The following UNC13C variants were observed in gnomAD, a reference collection of about 807,000 sequenced individuals.
The protein encoded by UNC13C is protein unc-13 homolog C.
Under a neutral mutation model 245.4 loss-of-function variants are expected in UNC13C, and 174 were observed. The ratio of observed to expected loss-of-function variants is 0.71; its 90% CI spans 0.63 to 0.80. The LOEUF (loss-of-function observed/expected upper bound fraction) is 0.80. Among genes scored for constraint, UNC13C ranks in the 30% least tolerant of loss-of-function variants. The probability of loss-of-function intolerance (pLI) is 0.00; values close to 1 mark genes in which losing one functional copy is unlikely to be tolerated. For synonymous variants in UNC13C, 992 were observed against 895.1 expected, an observed-to-expected ratio of 1.11 and a Z score of -1.93; for missense variants, 2,829 against 2,602.9, an observed-to-expected ratio of 1.09 and a Z score of -1.89.
chr15:54,263,604 C>T (rs1008879108), intron 8 of UNC13C, among the ~76,000 whole-genome samples: 12 of 152,104 alleles, frequency 7.9e-5, no homozygotes, highest in East Asian at 1.9e-4. Flanking sequence ...GAGTTCGAGT[C>T]GGTGTTCTAT....
the UNC13C span, among the ~76,000 whole-genome samples, chr15:53,862,336 T>C: frequency 6.6e-6 from 1 of 152,100 alleles, no homozygotes; most frequent in African/African-American, 2.4e-5. Flanking sequence ...CAAGTTTTTT[T>C]CTAGTGCTCG....
intron 20 of UNC13C, among the ~76,000 whole-genome samples, chr15:54,496,605 A>G (rs1893959716): frequency 6.6e-6 from 1 of 152,016 alleles, no homozygotes; most frequent in Non-Finnish European, 1.5e-5. Context: ...GTATATATAT[A>G]TATATGTACA....
At chr15:53,876,289 A>G in the UNC13C span, among the ~76,000 whole-genome samples, 1 of 152,176 alleles carries the variant, frequency 6.6e-6, no homozygotes, top group East Asian at 1.9e-4. Flanking sequence ...TCAAGTACCA[A>G]ACTTCCATTA....
At chr15:54,023,527 G>T (rs1478626221) in intron 2 of UNC13C, among the ~76,000 whole-genome samples, 1 of 152,176 alleles carries the variant, frequency 6.6e-6, no homozygotes, top group Non-Finnish European at 1.5e-5. Context: ...CACTTGAAAA[G>T]ATTTTATTAG....
chr15:54,303,101 T>C (rs1490061892), intron 13 of UNC13C, among the ~76,000 whole-genome samples: 1 of 152,134 alleles, frequency 6.6e-6, no homozygotes, highest in African/African-American at 2.4e-5. Context: ...ATCTAGAAAC[T>C]TTGTTATTGG....
rs561171945 is a variant in UNC13C at position 54,038,376 on chromosome 15, G to A, written c.2983+22490G>A. Among the ~76,000 whole-genome samples, 20 of 151,398 alleles carry A rather than the reference G, an allele frequency of 1.3e-4. No individual in the cohort carries two copies. The East Asian group carries it at 3.5e-3, about 27-fold the overall frequency. ...GGGATTCCTGGCCTCAAAGTGATCC[G>A]CCCACCTCTGCCTTTCAAAGTGCTG... On this transcript the variant is annotated intron_variant, in intron 2 of 32. Transcript: ENST00000260323.
chr15:54,500,744 G>T, intron 21 of UNC13C, 91 bp from the exon 22 acceptor site: 1 of 1,017,316 alleles, frequency 9.8e-7, no homozygotes. Context: ...ATGTGATACG[G>T]GAGATTCAGT....
At chr15:54,297,100 A>G (rs999409601) in intron 11 of UNC13C, among the ~76,000 whole-genome samples, 1 of 152,224 alleles carries the variant, frequency 6.6e-6, no homozygotes, top group African/African-American at 2.4e-5. Flanking sequence ...TTTCAAGTAC[A>G]AAGAGAAGAA....
At chr15:53,993,210 G>A (rs1400087052) in intron 1 of UNC13C, among the ~76,000 whole-genome samples, 1 of 152,080 alleles carries the variant, frequency 6.6e-6, no homozygotes, top group Admixed American at 6.6e-5. Flanking sequence ...ATTAGGTAGA[G>A]GGAAAAGCTG....
chr15:54,293,813 T>G (rs191377261), intron 10 of UNC13C, 82 bp from the exon 11 acceptor site: 5 of 1,186,854 alleles, frequency 4.2e-6, no homozygotes, highest in Non-Finnish European at 5.6e-6. Context: ...CTTTCTAGAA[T>G]AGATAGAAAA....
At chr15:54,050,587 CTCTT>C (rs1897235014) in intron 2 of UNC13C, 1 of 424,912 alleles carries the variant, frequency 2.4e-6, no homozygotes, top group African/African-American at 2.1e-5. Flanking sequence ...CTTTTTTCCA[CTCTT>C]TCTAACTTGG....
At chr15:53,869,868 G>T in the UNC13C span, among the ~76,000 whole-genome samples, 1 of 152,180 alleles carries the variant, frequency 6.6e-6, no homozygotes, top group Non-Finnish European at 1.5e-5. Context: ...GTTGATCAAA[G>T]GTTGGTCTTG....
chr15:54,353,923 A>G (rs1298036411), intron 17 of UNC13C, among the ~76,000 whole-genome samples: 1 of 152,360 alleles, frequency 6.6e-6, no homozygotes, highest in Middle Eastern at 3.4e-3. Context: ...TCTCCAGGCC[A>G]GGATGAAGGA....
At chr15:54,069,249 A>G (rs896519665) in intron 2 of UNC13C, among the ~76,000 whole-genome samples, 3 of 152,190 alleles carry the variant, frequency 2.0e-5, no homozygotes, top group Non-Finnish European at 4.4e-5. Flanking sequence ...GGGAGGTTGT[A>G]GAGAAAAGGG....
At chr15:53,854,126 T>TTTTGTTTTTG in the UNC13C span, among the ~76,000 whole-genome samples, 15 of 148,584 alleles carry the variant, frequency 1.0e-4, no homozygotes, top group Non-Finnish European at 2.2e-4. Flanking sequence ...TTATAGGTTT[T>TTTTGTTTTTG]TTTTTTTTTT....
At chr15:54,375,317 C>T (rs1316347776) in intron 17 of UNC13C, among the ~76,000 whole-genome samples, 1 of 152,144 alleles carries the variant, frequency 6.6e-6, no homozygotes, top group African/African-American at 2.4e-5. Context: ...TCATTTTTCT[C>T]TGAATGCAGT....
chr15:53,917,856 A>G, the UNC13C span, among the ~76,000 whole-genome samples: 6 of 152,188 alleles, frequency 3.9e-5, no homozygotes, highest in African/African-American at 1.4e-4. Context: ...TTTTATTGTC[A>G]TTTTCTTTTT....
At chr15:54,568,340 C>A (rs1214465230) in intron 30 of UNC13C, among the ~76,000 whole-genome samples, 1 of 151,976 alleles carries the variant, frequency 6.6e-6, no homozygotes, top group Non-Finnish European at 1.5e-5. Flanking sequence ...TCCCTAAATC[C>A]TAATTTCGAA....
chr15:54,630,457 T>C (rs1901435555), downstream of UNC13C: 1 of 152,248 alleles, frequency 6.6e-6, no homozygotes, highest in South Asian at 2.1e-4. Context: ...GATATGACTA[T>C]ACTAGCTAGC....
Sources: gnomAD v4.1 joint callset for allele counts (sites outside exome capture counted in the v4.1 genomes callset) on GRCh38, gnomAD v4.1.1 for gene constraint, MANE v1.5 for transcripts, NCBI Gene and HGNC (gene_info 2026-07-23, HGNC 2026-07-21) for gene names.